The following CROCC variants were observed in gnomAD, a reference collection of about 807,000 sequenced individuals.
The protein encoded by CROCC is rootletin.
A neutral mutation model predicts 245.2 loss-of-function variants in CROCC; 180 were observed. The observed-to-expected ratio is 0.73, with a 90% CI of 0.65 to 0.83. The LOEUF (loss-of-function observed/expected upper bound fraction) is 0.83, where lower values mean the gene tolerates loss of function less well. CROCC is among the 40% of genes least tolerant of loss of function. CROCC has a pLI of 0.00. For missense variants in CROCC, 2,688 were observed against 2,779.4 expected (o/e 0.97, Z 0.74); for synonymous variants, 1,205 against 1,241.6 (o/e 0.97, Z 0.62).
chr1:16,955,849 C>T, intron 24 of CROCC, 148 bp from the exon 25 acceptor site: 1 of 1,017,900 alleles, frequency 9.8e-7, no homozygotes. Context: ...GGGCCCCAGC[C>T]CTGCAGGGCT....
At chr1:16,968,578 A>G (rs533827809) in intron 31 of CROCC, among the ~76,000 whole-genome samples, 160 bp downstream of exon 31, 1 of 152,358 alleles carries the variant, frequency 6.6e-6, no homozygotes, top group East Asian at 1.9e-4. Flanking sequence ...GTCATTGTCT[A>G]AGATCCCATA....
In CROCC at chr1:16,950,978, A is replaced by G; in HGVS notation, c.2862A>G (p.Gln954=). ...GGGAGTTGGCGGGCCTGCGGCAGCAAATAATAGCTACACAGGAGAAAGCCA... is the reference window on the plus strand; with the variant it reads ...GGGAGTTGGCGGGCCTGCGGCAGCAGATAATAGCTACACAGGAGAAAGCCA... ...LTGELAGLRQ[Q]IIATQEKASL... Residue 954 remains glutamine, a synonymous_variant, in exon 20 of 37, where the codon CAA becomes CAG. Coordinates refer to ENST00000375541, the MANE Select transcript of CROCC (RefSeq NM_014675.5). 4 of 1,575,212 alleles carry G rather than the reference A, an allele frequency of 2.5e-6. No individual in the cohort carries two copies. Among genetic ancestry groups the G allele is most frequent in the Non-Finnish European group, 3.4e-6 (4 of 1,162,562 alleles).
chr1:16,960,968 C>G lies in CROCC; in HGVS notation c.4243C>G (p.Leu1415Val). The change falls in exon 27 of 37, where the codon CTG becomes GTG. Residue 1415 changes from leucine to valine, a missense_variant. By Grantham distance (32) the Leu-to-Val change is conservative. This residue lies in a region of CROCC where 1,218 missense variants were observed against 1,286.3 expected (regional missense o/e 0.95). Coordinates refer to ENST00000375541, the MANE Select transcript of CROCC (RefSeq NM_014675.5). ...CGCAGCCGAGGGCCGGGCACAAGGC[C>G]TGGAGGCCGAGCTGGCCCGCGTGGA... ...LSAAEGRAQGLEAELARVEVQ... is the reference protein window; with the variant it reads ...LSAAEGRAQGVEAELARVEVQ... 1 of 1,372,670 alleles carries G rather than the reference C, an allele frequency of 7.3e-7. No individual in the cohort carries two copies. Among genetic ancestry groups the G allele is most frequent in the Non-Finnish European group, 9.3e-7 (1 of 1,071,936 alleles). The allele number at this position is 1,372,670 out of a possible 1,614,324, so 85.0% of individuals were successfully genotyped here. A position where few individuals can be genotyped will look rare whatever the true frequency, so the allele number is the denominator to read the frequency against.
intron 7 of CROCC, among the ~76,000 whole-genome samples, chr1:16,931,017 T>C (rs1380459957): frequency 6.6e-6 from 1 of 152,282 alleles, no homozygotes; most frequent in African/African-American, 2.4e-5. Flanking sequence ...AACTGGCAGC[T>C]GGGATGCAAA....
Position 16,954,331 on chromosome 1 carries a change from G to A in CROCC, c.3295G>A (p.Ala1099Thr). The A allele has an allele frequency of 6.2e-7, 1 of 1,611,896 alleles. No homozygotes were observed. The highest frequency in any genetic ancestry group is 8.5e-7 in the Non-Finnish European group (1 of 1,179,858). Reference sequence around the variant, plus strand: ...GGAGATGGAGCGGCAGAAACGAGATGCCCAGAGCCGGCAGGAGCAGGACCG... The same window carrying A: ...GGAGATGGAGCGGCAGAAACGAGATACCCAGAGCCGGCAGGAGCAGGACCG... ...SLEMERQKRD[A>T]QSRQEQDRST... The change falls in exon 22 of 37, where the codon GCC becomes ACC. Residue 1099 changes from alanine to threonine, a missense_variant. Transcript: ENST00000375541. The surrounding 1 kb of genome is among the most constrained non-coding windows in gnomAD (Gnocchi z 4.4).
intron 17 of CROCC, among the ~76,000 whole-genome samples, chr1:16,947,469 A>G (rs1317292161): frequency 3.3e-5 from 1 of 30,420 alleles, no homozygotes; most frequent in Non-Finnish European, 6.3e-5. Context: ...ACTCCGTCTC[A>G]ATAATAATAA....
intron 19 of CROCC, among the ~76,000 whole-genome samples, chr1:16,949,622 T>G (rs1480173066): frequency 6.6e-6 from 1 of 152,250 alleles, no homozygotes; most frequent in African/African-American, 2.4e-5. Flanking sequence ...AAGTTGCTGC[T>G]GATCTCTGAG....
At chr1:16,965,636 G>T (rs2076403316) in intron 27 of CROCC, 87 bp from the exon 28 acceptor site, 2 of 998,030 alleles carry the variant, frequency 2.0e-6, no homozygotes, top group African/African-American at 3.2e-5. Context: ...TCTGAGGGCT[G>T]TTGGGAAAGG....
At chr1:16,932,297 G>A (rs1382757967) in intron 8 of CROCC, among the ~76,000 whole-genome samples, 14 of 152,212 alleles carry the variant, frequency 9.2e-5, no homozygotes, top group African/African-American at 1.4e-4. Flanking sequence ...AAAATTAGCC[G>A]GGCATAGTGG....
intron 26 of CROCC, among the ~76,000 whole-genome samples, chr1:16,960,196 G>A (rs550906969): frequency 6.6e-6 from 1 of 152,244 alleles, no homozygotes; most frequent in Non-Finnish European, 1.5e-5. Context: ...AACCCAGGAG[G>A]CAGAGGTTAC....
In CROCC at chr1:16,971,733, A is replaced by G. The variant is rs916227619; in HGVS notation, c.5967+86A>G. 22 of 1,307,224 alleles carry G rather than the reference A, an allele frequency of 1.7e-5. No homozygotes were observed. In the African/African-American group the frequency reaches 2.3e-4, roughly 13 times the overall value. The allele number at this position is 1,307,224 out of a possible 1,614,324, so 81.0% of individuals were successfully genotyped here. A position where few individuals can be genotyped will look rare whatever the true frequency, so the allele number is the denominator to read the frequency against. On this transcript the variant is annotated intron_variant, in intron 36 of 36. Transcript: ENST00000375541. ...GAGACCCAATCAAGACCTTGTGGGTATAGGCAGTCGATGGCTCCCGTAACC... is the reference window on the plus strand; with the variant it reads ...GAGACCCAATCAAGACCTTGTGGGTGTAGGCAGTCGATGGCTCCCGTAACC...
rs1387069075 is a variant in CROCC, at chr1:16,922,676, G to A, written c.74G>A (p.Ser25Asn). ...CTTTTCCCACAGACACTGGAGAGCAGCGTCCTGTGCCAGGAGAAAGGCTTG... is the reference window on the plus strand; with the variant it reads ...CTTTTCCCACAGACACTGGAGAGCAACGTCCTGTGCCAGGAGAAAGGCTTG... ...LETVIQTLES[S>N]VLCQEKGLGA... The change falls in exon 2 of 37, where the codon AGC becomes AAC. Residue 25 changes from serine (S) to asparagine (N), a missense_variant. Coordinates refer to ENST00000375541, the MANE Select transcript of CROCC (RefSeq NM_014675.5). The A allele has an allele frequency of 1.9e-6, 3 of 1,610,508 alleles. No homozygotes were observed. In the African/African-American group the frequency reaches 4.0e-5, roughly 22 times the overall value.
chr1:16,938,286 T>C (rs2100411620), intron 10 of CROCC, 114 bp from the exon 11 acceptor site: 1 of 995,210 alleles, frequency 1.0e-6, no homozygotes, highest in East Asian at 2.6e-5. Flanking sequence ...GGCTGGCCTA[T>C]GGACATGGCT....
upstream of CROCC, among the ~76,000 whole-genome samples, chr1:16,921,635 G>T (rs1305480159): frequency 2.0e-5 from 3 of 152,276 alleles, no homozygotes; most frequent in Non-Finnish European, 2.9e-5. Flanking sequence ...CACCCCCTGG[G>T]CTTGGAGGGC....
chr1:16,940,214 AT>A, intron 13 of CROCC, 121 bp downstream of exon 13: 3 of 1,079,426 alleles, frequency 2.8e-6, no homozygotes, highest in Non-Finnish European at 3.9e-6. Flanking sequence ...GCATGTGCCT[AT>A]TAACGTTTAT....
At chr1:16,922,613 G>C (rs762176350) in intron 1 of CROCC, 50 bp from the exon 2 acceptor site, 57 of 1,546,450 alleles carry the variant, frequency 3.7e-5, no homozygotes, top group Non-Finnish European at 4.9e-5. Flanking sequence ...CACGAGGCCA[G>C]GGAGCCCCGG....
intron 13 of CROCC, among the ~76,000 whole-genome samples, chr1:16,943,466 A>T (rs1570646873): frequency 6.6e-6 from 1 of 151,210 alleles, no homozygotes; most frequent in East Asian, 2.0e-4. Flanking sequence ...TGAACCCGGG[A>T]GGCGGAGCTT....
At position 16,970,701 on chromosome 1, in the gene CROCC, G is replaced by C. The variant is rs2076503125; in HGVS notation, c.5718G>C (p.Leu1906=). ...TVRLSAEKGR[L]DRTLTGAELE... is the part of the protein sequence containing the mutation. Reference sequence around the variant, plus strand: ...GGCTGAGCGCAGAGAAGGGCCGCCTGGACCGCACCCTCACGGGGGCTGAGC... The same window carrying C: ...GGCTGAGCGCAGAGAAGGGCCGCCTCGACCGCACCCTCACGGGGGCTGAGC... The change falls in exon 35 of 37, where the codon CTG becomes CTC. Residue 1906 remains leucine (L), a synonymous_variant. Coordinates refer to ENST00000375541, the MANE Select transcript of CROCC (RefSeq NM_014675.5). 6.2e-7 allele frequency: 1 copy of C among 1,604,768 alleles called. No homozygotes were observed. The highest frequency in any genetic ancestry group is 1.1e-5 in the South Asian group (1 of 89,916).
At chr1:16,960,122 C>T (rs528163094) in intron 26 of CROCC, among the ~76,000 whole-genome samples, 2 of 152,226 alleles carry the variant, frequency 1.3e-5, no homozygotes, top group South Asian at 4.1e-4. Context: ...CAAAAATTAG[C>T]TGGGCATGGT....
Sources: allele counts gnomAD v4.1 joint callset (sites outside exome capture counted in the v4.1 genomes callset), GRCh38; gene constraint gnomAD v4.1.1; regional missense constraint gnomAD v4.1.1; non-coding constraint Gnocchi (gnomAD v3.1); transcripts MANE v1.5; gene names NCBI Gene and HGNC (gene_info 2026-07-23, HGNC 2026-07-21).